SLC25A45: variants seen among roughly 807,000 people sequenced by gnomAD.
The protein encoded by SLC25A45 is methylated amino-acid transporter SLC25A45.
Under a neutral mutation model 23.0 loss-of-function variants are expected in SLC25A45, and 22 were observed. The observed-to-expected ratio is 0.95, with a 90% CI of 0.68 to 1.36. SLC25A45 has a LOEUF of 1.36. Ranked by LOEUF, SLC25A45 falls within the 40% of genes most tolerant of loss-of-function variation. The pLI is 0.00. For missense variants in SLC25A45, 355 were observed against 383.5 expected (o/e 0.93, Z 0.62); for synonymous variants, 136 against 155.0 (o/e 0.88, Z 0.91).
chr11:65,378,442 CA>C (rs1855335359), intron 5 of SLC25A45: 1 of 152,156 alleles, frequency 6.6e-6, no homozygotes, highest in South Asian at 2.1e-4. Context: ...GCTGGGGGGG[CA>C]GGGTGACTTA....
intron 2 of SLC25A45, chr11:65,380,527 T>G: frequency 1.5e-6 from 2 of 1,374,076 alleles, no homozygotes; most frequent in Non-Finnish European, 9.6e-7. Flanking sequence ...ATCACCCAGG[T>G]TCCCACCTCT....
At chr11:65,383,067 AG>A (rs1855649540), upstream of SLC25A45, 4 of 152,610 alleles carry the variant, frequency 2.6e-5, no homozygotes, top group Admixed American at 2.6e-4. Context: ...CGGAAATGTC[AG>A]CCAGCAGCAT....
Position 65,376,222 on chromosome 11 carries a change from C to G in SLC25A45, c.*185G>C, listed in dbSNP as rs890564556. The G allele has an allele frequency of 1.1e-5, 7 of 664,320 alleles. No homozygotes were observed. The highest frequency in any genetic ancestry group is 1.8e-5 in the African/African-American group (1 of 55,088). The allele number at this position is 664,320 out of a possible 1,614,324, so 41.2% of individuals were successfully genotyped here. A position where few individuals can be genotyped will look rare whatever the true frequency, so the allele number is the denominator to read the frequency against. ...AGGCCAGCTACACAGGGAGGCTGCA[C>G]AGGCCCCCTGGCTTCCGGCTCCCAC... is the stretch of plus-strand genomic sequence containing the variant. On this transcript the variant is annotated 3_prime_UTR_variant, in exon 7 of 7. Transcript: ENST00000398802.
intron 3 of SLC25A45, 33 bp downstream of exon 3, chr11:65,380,099 C>T (rs759582009): frequency 6.2e-7 from 1 of 1,608,102 alleles, no homozygotes; most frequent in African/African-American, 1.3e-5. Flanking sequence ...CAGGTGAGAT[C>T]TTTCATTCCT....
chr11:65,380,304 A>C (rs1590635227), intron 2 of SLC25A45, 129 bp from the exon 3 acceptor site: 1 of 1,362,414 alleles, frequency 7.3e-7, no homozygotes, highest in Non-Finnish European at 1.0e-6. Context: ...ACATGCAGCC[A>C]CCTTCCTGCC....
chr11:65,380,670 T>C, intron 2 of SLC25A45: 1 of 1,181,908 alleles, frequency 8.5e-7, no homozygotes, highest in Non-Finnish European at 1.1e-6. Context: ...CAGAGGAGCT[T>C]CTCCCCTCCC....
rs1855165823 is a variant in SLC25A45, at chr11:65,376,300, G to C, written c.*107C>G. 5 of 1,387,018 alleles carry C rather than the reference G, an allele frequency of 3.6e-6. No individual in the cohort carries two copies. The South Asian group carries it at 5.5e-5, about 15-fold the overall frequency. 85.9% of individuals were successfully genotyped at this position (1,387,018 alleles called of 1,614,324 possible). On this transcript the variant is annotated 3_prime_UTR_variant, in exon 7 of 7. Coordinates refer to ENST00000398802, the MANE Select transcript of SLC25A45 (RefSeq NM_182556.4). ...GGGTGGGAGGCACCTTGGTTAGGAA[G>C]GGCTGAGCCTCTTGCACTGATTTGC...
chr11:65,379,529 G>A lies in SLC25A45; in HGVS notation c.186C>T (p.Pro62=), dbSNP rs775244931. The change falls in exon 5 of 7, where the codon CCC becomes CCT. Residue 62 remains proline, a synonymous_variant. Transcript: ENST00000398802. ...AGTTGACCACAGCTATGCTGGCAAT[G>A]GGGAAGCTCATTCCCTTGAAGAAGC... is the stretch of plus-strand genomic sequence containing the variant. ...LLGFFKGMSF[P]IASIAVVNSV... 1 of 1,612,396 alleles carries A rather than the reference G, an allele frequency of 6.2e-7. No individual in the cohort carries two copies. Among genetic ancestry groups the A allele is most frequent in the South Asian group, 1.1e-5 (1 of 91,018 alleles).
intron 2 of SLC25A45, 200 bp from the exon 3 acceptor site, chr11:65,380,375 G>T: frequency 1.1e-6 from 1 of 927,020 alleles, no homozygotes; most frequent in South Asian, 1.6e-5. Flanking sequence ...GGCCAGGAAG[G>T]CACTGGGACA....
intron 2 of SLC25A45, 106 bp from the exon 3 acceptor site, chr11:65,380,281 G>A (rs1011581606): frequency 6.5e-7 from 1 of 1,531,790 alleles, no homozygotes; most frequent in Non-Finnish European, 9.0e-7. Context: ...AGGAGAGCAG[G>A]GCCATCTCAG....
chr11:65,376,507 C>A lies in SLC25A45; in HGVS notation c.767G>T (p.Gly256Val). 1 of 1,614,190 alleles carries A rather than the reference C, an allele frequency of 6.2e-7. No homozygotes were observed. Reference protein sequence around the residue: ...MVSSIRQEGLGVFFRGVTINS... With the variant: ...MVSSIRQEGLVVFFRGVTINS... The stretch of plus-strand genomic sequence containing the variant: ...GATGGTGACCCCCCGGAAGAAGACT[C>A]CCAGTCCTTCCTGCCGGATGCTGCT... The change falls in exon 7 of 7, where the codon GGA becomes GTA. Residue 256 changes from glycine (G) to valine (V), a missense_variant. Transcript: ENST00000398802.
Position 65,379,464 on chromosome 11 carries a change from A to G in SLC25A45, c.251T>C (p.Leu84Pro), listed in dbSNP as rs771942747. ...CCGCTCCTGGTGGGAGGTGGCCGTG[A>G]GCACCAGCAGGGTGTTGCTATAGAC... ...FGVYSNTLLV[L>P]TATSHQERRA... Residue 84 changes from leucine to proline, a missense_variant, in exon 5 of 7, where the codon CTC (leucine) becomes CCC (proline). Physicochemically the swap from Leu to Pro is moderately conservative, Grantham distance 98. Coordinates refer to ENST00000398802, the MANE Select transcript of SLC25A45 (RefSeq NM_182556.4). The G allele has an allele frequency of 3.7e-6, 6 of 1,614,058 alleles. No homozygotes were observed. The highest frequency in any genetic ancestry group is 5.1e-6 in the Non-Finnish European group (6 of 1,179,980).
intron 2 of SLC25A45, 133 bp downstream of exon 2, chr11:65,381,782 T>C: frequency 8.9e-7 from 1 of 1,129,528 alleles, no homozygotes. Flanking sequence ...GGTCTCAAAC[T>C]CCTGGGCTCA....
At chr11:65,379,688 G>T in intron 4 of SLC25A45, 127 bp from the exon 5 acceptor site, 1 of 1,252,104 alleles carries the variant, frequency 8.0e-7, no homozygotes, top group South Asian at 1.5e-5. Flanking sequence ...GTGGGGACAG[G>T]CAGGGATGGG....
rs1855584930 is a variant in SLC25A45 at position 65,381,927 on chromosome 11, C to A, written c.25G>T (p.Gly9Cys). MPVEEFVA[G>C]WISGALGLVL... ...AAAAATGTCTCACCAGAGATCCAGCCAGCCACAAATTCCTCCACCGGCATT... is the reference window on the plus strand; with the variant it reads ...AAAAATGTCTCACCAGAGATCCAGCAAGCCACAAATTCCTCCACCGGCATT... The change falls in exon 2 of 7, where the codon GGC becomes TGC. Residue 9 changes from glycine to cysteine, a missense_variant. Physicochemically the swap from Gly to Cys is radical, Grantham distance 159. Coordinates refer to ENST00000398802, the MANE Select transcript of SLC25A45 (RefSeq NM_182556.4). The A allele has an allele frequency of 6.2e-7, 1 of 1,614,042 alleles. No homozygotes were observed. The highest frequency in any genetic ancestry group is 1.1e-5 in the South Asian group (1 of 91,092).
In SLC25A45 at chr11:65,376,574, G is replaced by A. The variant is rs780542479; in HGVS notation, c.700C>T (p.Leu234=). The A allele has an allele frequency of 1.2e-6, 2 of 1,614,020 alleles. No individual in the cohort carries two copies. The highest frequency in any genetic ancestry group is 1.3e-5 in the African/African-American group (1 of 74,914). Residue 234 remains leucine (L), a synonymous_variant, in exon 7 of 7, where the codon CTG becomes TTG. Transcript: ENST00000398802. ...MIKSRMQMDG[L]RRRVYQGMLD... ...ATCCCCTGGTACACTCTGCGTCTCAGTCCATCCATCTGCATCCGGGACTTG... is the reference window on the plus strand; with the variant it reads ...ATCCCCTGGTACACTCTGCGTCTCAATCCATCCATCTGCATCCGGGACTTG...
In SLC25A45 at chr11:65,376,208, A is replaced by G; in HGVS notation, c.*199T>C. Reference sequence around the variant, plus strand: ...AGGCAAAGGAGTCAAGGCCAGCTACACAGGGAGGCTGCACAGGCCCCCTGG... The same window carrying G: ...AGGCAAAGGAGTCAAGGCCAGCTACGCAGGGAGGCTGCACAGGCCCCCTGG... On this transcript the variant is annotated 3_prime_UTR_variant, in exon 7 of 7. Coordinates refer to ENST00000398802, the MANE Select transcript of SLC25A45 (RefSeq NM_182556.4). 1 of 638,950 alleles carries G rather than the reference A, an allele frequency of 1.6e-6. No individual in the cohort carries two copies. Among genetic ancestry groups the G allele is most frequent in the Non-Finnish European group, 2.7e-6 (1 of 372,610 alleles). The allele number at this position is 638,950 out of a possible 1,614,324, so 39.6% of individuals were successfully genotyped here. A position where few individuals can be genotyped will look rare whatever the true frequency, so the allele number is the denominator to read the frequency against.
chr11:65,379,911 G>A lies in SLC25A45; in HGVS notation c.109C>T (p.Arg37Trp), dbSNP rs377005228. Residue 37 changes from arginine to tryptophan, a missense_variant, in exon 4 of 7, where the codon CGG (arginine) becomes TGG (tryptophan). Physicochemically the swap from Arg to Trp is moderately radical, Grantham distance 101 (BLOSUM62 -3). Coordinates refer to ENST00000398802, the MANE Select transcript of SLC25A45 (RefSeq NM_182556.4). ...TTGACCATGCAATCAACGATGCCCCGGTAGGTGGTCTGGGTCTGCAGCCTC... is the reference window on the plus strand; with the variant it reads ...TTGACCATGCAATCAACGATGCCCCAGTAGGTGGTCTGGGTCTGCAGCCTC... Reference protein sequence around the residue: ...KVRLQTQTTYRGIVDCMVKIY... With the variant: ...KVRLQTQTTYWGIVDCMVKIY... The A allele has an allele frequency of 1.1e-4, 171 of 1,614,100 alleles. No homozygotes were observed. Among genetic ancestry groups the A allele is most frequent in the Admixed American group, 2.0e-4 (12 of 60,014 alleles).
chr11:65,381,974 T>A lies in SLC25A45; in HGVS notation c.-18-5A>T, dbSNP rs78982565. The A allele has an allele frequency of 6.2e-7, 1 of 1,610,174 alleles. No individual in the cohort carries two copies. Among genetic ancestry groups the A allele is most frequent in the African/African-American group, 1.3e-5 (1 of 74,784 alleles). On this transcript the variant is annotated splice_polypyrimidine_tract_variant and splice_region_variant and intron_variant, in intron 1 of 6. Coordinates refer to ENST00000398802, the MANE Select transcript of SLC25A45 (RefSeq NM_182556.4). ...CATTGTCTGGGCTTGCGGGAACTGG[T>A]GGCTCCAGCAGAGGAGACAGAGTTG...
Sources: allele counts gnomAD v4.1 joint callset, GRCh38; gene constraint gnomAD v4.1.1; transcripts MANE v1.5; gene names NCBI Gene and HGNC (gene_info 2026-07-23, HGNC 2026-07-21).